ALX4: variants seen among roughly 807,000 people sequenced by gnomAD.
ALX4 encodes ALX homeobox 4.
In ALX4, 22 loss-of-function variants were observed where a neutral mutation model predicts 40.6. That is an observed-to-expected ratio of 0.54 (90% CI 0.39 to 0.77). The LOEUF (loss-of-function observed/expected upper bound fraction) is 0.77, where lower values mean the gene tolerates loss of function less well. Ranked by LOEUF, ALX4 falls within the 30% of genes least tolerant of loss-of-function variation. The pLI is 0.00. For synonymous variants in ALX4, 266 were observed against 240.5 expected (o/e 1.11, Z -0.98); for missense variants, 556 against 564.8 (o/e 0.98, Z 0.16).
At chr11:44,288,960 G>T (rs1281050097) in intron 1 of ALX4, among the ~76,000 whole-genome samples, 1 of 152,124 alleles carries the variant, frequency 6.6e-6, no homozygotes. Context: ...CTTGTGTCTG[G>T]AATTTGTCTT....
intron 1 of ALX4, among the ~76,000 whole-genome samples, chr11:44,294,457 G>C (rs879367555): frequency 6.6e-6 from 1 of 152,110 alleles, no homozygotes; most frequent in East Asian, 1.9e-4. Flanking sequence ...TCAGCAGGGA[G>C]AGAGTTATTC....
rs1286941200 is a variant in ALX4 at position 44,260,808 on chromosome 11, G to A, written c.*4046C>T. ...AGGCCATTAAGCTAAAGGAAAAGTTGCATTTATACAGGGTTAAAATATCTT... is the reference window on the plus strand; with the variant it reads ...AGGCCATTAAGCTAAAGGAAAAGTTACATTTATACAGGGTTAAAATATCTT... On this transcript the variant is annotated 3_prime_UTR_variant, in exon 4 of 4. Coordinates refer to ENST00000652299, the MANE Select transcript of ALX4 (RefSeq NM_021926.4). 1 of 151,904 alleles carries A rather than the reference G, an allele frequency of 6.6e-6. No individual in the cohort carries two copies. The highest frequency in any genetic ancestry group is 1.9e-4 in the East Asian group (1 of 5,198). 9.4% of individuals were successfully genotyped at this position (151,904 alleles called of 1,614,324 possible). A position where few individuals can be genotyped will look rare whatever the true frequency, so the allele number is the denominator to read the frequency against.
chr11:44,270,056 CT>C (rs1402853936), intron 2 of ALX4, among the ~76,000 whole-genome samples: 1 of 152,078 alleles, frequency 6.6e-6, no homozygotes, highest in Non-Finnish European at 1.5e-5. Context: ...CCTACAGGCT[CT>C]GGAACAGAGG....
chr11:44,297,922 C>A (rs1273106417), intron 1 of ALX4, among the ~76,000 whole-genome samples: 3 of 152,084 alleles, frequency 2.0e-5, no homozygotes, highest in Admixed American at 6.5e-5. Context: ...AGCTCCTATT[C>A]AACTTTCAAG....
chr11:44,306,689 T>C (rs1956470545), intron 1 of ALX4, among the ~76,000 whole-genome samples: 1 of 152,226 alleles, frequency 6.6e-6, no homozygotes, highest in Non-Finnish European at 1.5e-5. Flanking sequence ...TGAACTCCAT[T>C]TCTCCGCTTT....
In ALX4 at chr11:44,310,092, C is replaced by T. The variant is rs748167884; in HGVS notation, c.-30G>A. The T allele has an allele frequency of 6.0e-5, 93 of 1,555,478 alleles. No individual in the cohort carries two copies. In the Admixed American group the frequency reaches 6.1e-4, roughly 10 times the overall value. ...GGCTTGCGCAGGCGGCGGGCGGGGA[C>T]GCGAGCGAGGGCGCGAGGACGCCAC... On this transcript the variant is annotated 5_prime_UTR_variant, in exon 1 of 4. Transcript: ENST00000652299.
chr11:44,278,685 C>T (rs970431478), intron 1 of ALX4, among the ~76,000 whole-genome samples: 9 of 152,266 alleles, frequency 5.9e-5, no homozygotes, highest in Admixed American at 5.2e-4. Flanking sequence ...AGTTGGGAGC[C>T]CTGGCCTCGG....
intron 1 of ALX4, among the ~76,000 whole-genome samples, chr11:44,309,180 T>C (rs61879129): frequency 0.92 from 127,475 of 138,434 alleles, 58,707 homozygotes; most frequent in South Asian, 0.95. Flanking sequence ...CCCCGCAGCC[T>C]CGCAGCCCCG....
intron 2 of ALX4, among the ~76,000 whole-genome samples, chr11:44,269,589 G>A (rs1956233465): frequency 5.9e-5 from 9 of 152,244 alleles, no homozygotes. Flanking sequence ...GGGAGGAGAA[G>A]CCTCTTCCTT....
intron 2 of ALX4, among the ~76,000 whole-genome samples, chr11:44,271,157 A>ACC (rs77087544): frequency 0.012 from 1,497 of 124,974 alleles, 27 homozygotes; most frequent in African/African-American, 0.037. Context: ...CCACCCCCTT[A>ACC]CCCCCCCAGG....
chr11:44,309,407 C>A (rs569615482), intron 1 of ALX4, among the ~76,000 whole-genome samples, 190 bp downstream of exon 1: 2 of 152,356 alleles, frequency 1.3e-5, no homozygotes, highest in African/African-American at 4.8e-5. Flanking sequence ...CGTGCCTAGG[C>A]CGGCGGACAA....
At chr11:44,285,141 T>A (rs1318068703) in intron 1 of ALX4, among the ~76,000 whole-genome samples, 1 of 152,208 alleles carries the variant, frequency 6.6e-6, no homozygotes, top group African/African-American at 2.4e-5. Context: ...ATTTTTGTAC[T>A]CTTAGTAGAG....
chr11:44,274,737 G>A (rs1188415284), intron 2 of ALX4, among the ~76,000 whole-genome samples: 1 of 152,180 alleles, frequency 6.6e-6, no homozygotes, highest in Non-Finnish European at 1.5e-5. Flanking sequence ...AATGAGTTGG[G>A]TTGAGTGTTG....
At position 44,264,463 on chromosome 11, in the gene ALX4, G is replaced by C. The variant is rs1017602865; in HGVS notation, c.*391C>G. 3.6e-5 allele frequency: 9 copies of C among 248,620 alleles called. No homozygotes were observed. In the Admixed American group the frequency reaches 4.1e-4, roughly 11 times the overall value. The allele number at this position is 248,620 out of a possible 1,614,324, so 15.4% of individuals were successfully genotyped here. ...CACTAGGAGCGGGAAGGATGGACAA[G>C]ACTGGGCTGGTGAGGCTGCTGGGTC... On this transcript the variant is annotated 3_prime_UTR_variant, in exon 4 of 4. Coordinates refer to ENST00000652299, the MANE Select transcript of ALX4 (RefSeq NM_021926.4).
chr11:44,275,396 C>G lies in ALX4; in HGVS notation c.729G>C (p.Ala243=), dbSNP rs11037928. 6.2e-7 allele frequency: 1 copy of G among 1,614,126 alleles called. No individual in the cohort carries two copies. The highest frequency in any genetic ancestry group is 8.5e-7 in the Non-Finnish European group (1 of 1,180,004). ...CTGTCCTCATGGCCAGCTGTTCCCG[C>G]GCATACACGTCTGGGTAGTGGGTCT... ...FQKTHYPDVY[A]REQLAMRTDL... is the part of the protein sequence containing the mutation. The change falls in exon 2 of 4, where the codon GCG becomes GCC. Residue 243 remains alanine, a synonymous_variant. Coordinates refer to ENST00000652299, the MANE Select transcript of ALX4 (RefSeq NM_021926.4).
At chr11:44,309,218 CCCCGCAG>C (rs1484101933) in intron 1 of ALX4, among the ~76,000 whole-genome samples, 20 of 151,676 alleles carry the variant, frequency 1.3e-4, no homozygotes, top group African/African-American at 4.6e-4. Flanking sequence ...AGCCCCGCAG[CCCCGCAG>C]CCCAGCGCCA....
chr11:44,265,075 G>T lies in ALX4; in HGVS notation c.1015C>A (p.Pro339Thr), dbSNP rs757361317. 6 of 1,612,900 alleles carry T rather than the reference G, an allele frequency of 3.7e-6. No individual in the cohort carries two copies. In the South Asian group the frequency reaches 5.5e-5, roughly 15 times the overall value. The part of the protein sequence containing the change: ...PACMSPHAHP[P>T]GSGASSVTDF... ...GTGACGCTGCTGGCCCCAGAGCCAG[G>T]GGGGTGGGCATGAGGGGACATGCAG... is the stretch of plus-strand genomic sequence containing the variant. Residue 339 changes from proline to threonine, a missense_variant, in exon 4 of 4, where the codon CCT becomes ACT. By Grantham distance (38) the Pro-to-Thr change is conservative. Coordinates refer to ENST00000652299, the MANE Select transcript of ALX4 (RefSeq NM_021926.4).
intron 1 of ALX4, among the ~76,000 whole-genome samples, chr11:44,308,964 G>A (rs1956485856): frequency 2.0e-5 from 3 of 152,258 alleles, no homozygotes; most frequent in Admixed American, 2.0e-4. Context: ...AGACCACAGT[G>A]TCCCCTGGGA....
intron 1 of ALX4, among the ~76,000 whole-genome samples, chr11:44,292,929 T>C (rs1455475849): frequency 6.6e-6 from 1 of 151,500 alleles, no homozygotes; most frequent in African/African-American, 2.4e-5. Context: ...GACCCCCATC[T>C]CTATAAAAAA....
Sources: allele counts gnomAD v4.1 joint callset (sites outside exome capture counted in the v4.1 genomes callset), GRCh38; gene constraint gnomAD v4.1.1; transcripts MANE v1.5; gene names NCBI Gene and HGNC (gene_info 2026-07-23, HGNC 2026-07-21).